Variants in PUS10 observed in about 807,000 individuals in gnomAD.
PUS10 encodes pseudouridine synthase 10.
A neutral mutation model predicts 75.0 loss-of-function variants in PUS10; 59 were observed. That is an observed-to-expected ratio of 0.79 (90% CI 0.64 to 0.98). The LOEUF is 0.98. Among genes scored for constraint, PUS10 ranks in the 50% least tolerant of loss-of-function variants. The pLI is 0.00. For synonymous variants in PUS10, 219 were observed against 211.6 expected, an observed-to-expected ratio of 1.03 and a Z score of -0.30; for missense variants, 650 against 614.4, an observed-to-expected ratio of 1.06 and a Z score of -0.61.
At chr2:60,989,993 A>G (rs763543016) in intron 4 of PUS10, among the ~76,000 whole-genome samples, 15 of 152,114 alleles carry the variant, frequency 9.9e-5, no homozygotes, top group Non-Finnish European at 1.9e-4. Flanking sequence ...AACTTGACAT[A>G]GAAGGTACCA....
rs756681830 is a variant in PUS10, at chr2:60,945,034, G to T, written c.1526C>A (p.Ala509Glu). 1.9e-6 allele frequency: 3 copies of T among 1,613,398 alleles called. No individual in the cohort carries two copies. Among genetic ancestry groups the T allele is most frequent in the Non-Finnish European group, 2.5e-6 (3 of 1,179,354 alleles). Residue 509 changes from alanine (A) to glutamate (E), a missense_variant, in exon 17 of 18, where the codon GCA becomes GAA. Transcript: ENST00000316752. ...CTCAACATCCAGCTCCAGAATGTCT[G>T]CAGTCACATTCATCAGGGACCCAAT... is the stretch of plus-strand genomic sequence containing the variant. The part of the protein sequence containing the change: ...PNIGSLMNVT[A>E]DILELDVESV...
rs1261113220 is a variant in PUS10 at position 60,989,419 on chromosome 2, C to T, written c.468+17138G>A. On this transcript the variant is annotated intron_variant, in intron 4 of 17. Transcript: ENST00000316752. ...GTCACATTTAAGGGCATTAATACTT[C>T]ACTGAGTAAACATAGGCAGAAAGAT... Among the ~76,000 whole-genome samples, 4 of 152,120 alleles carry T rather than the reference C, an allele frequency of 2.6e-5. No homozygotes were observed. In the East Asian group the frequency reaches 7.7e-4, roughly 29 times the overall value.
intron 4 of PUS10, among the ~76,000 whole-genome samples, chr2:61,005,507 ACTT>A: frequency 6.6e-6 from 1 of 152,272 alleles, no homozygotes; most frequent in Non-Finnish European, 1.5e-5. Context: ...CAGAAAATAT[ACTT>A]CTTATTCCTA....
chr2:61,011,775 A>G lies in PUS10; in HGVS notation c.116T>C (p.Leu39Pro), dbSNP rs200105134. 2.0e-5 allele frequency: 32 copies of G among 1,579,332 alleles called. No homozygotes were observed. The highest frequency in any genetic ancestry group is 2.7e-5 in the Non-Finnish European group (32 of 1,166,604). ...CGVDFHAPYK[L>P]PYKELLNELQ... ...AAGAAAAGAAAATACCTTGTATGGA[A>G]GTTTGTAAGGTGCATGAAAATCCAC... The change falls in exon 2 of 18, where the codon CTT becomes CCT. Residue 39 changes from leucine (L) to proline (P), a missense_variant. Physicochemically the swap from Leu to Pro is moderately conservative, Grantham distance 98. Coordinates refer to ENST00000316752, the MANE Select transcript of PUS10 (RefSeq NM_144709.4).
chr2:61,007,217 T>G (rs1410742255), intron 3 of PUS10, among the ~76,000 whole-genome samples: 4 of 80,242 alleles, frequency 5.0e-5, no homozygotes, highest in Non-Finnish European at 5.0e-5. Context: ...AGGCTTTTGT[T>G]TTTTTTTTTT....
chr2:60,981,336 G>C (rs1677377437), intron 4 of PUS10, among the ~76,000 whole-genome samples: 2 of 151,950 alleles, frequency 1.3e-5, no homozygotes, highest in African/African-American at 4.8e-5. Flanking sequence ...AGGCTGGAGT[G>C]CAACAGCAAG....
chr2:60,947,673 C>A (rs1675035447), intron 16 of PUS10, among the ~76,000 whole-genome samples: 3 of 151,572 alleles, frequency 2.0e-5, no homozygotes. Context: ...ACTAAAAATA[C>A]AAAAAATTAG....
intron 4 of PUS10, 25 bp downstream of exon 4, chr2:61,006,532 G>C (rs778503207): frequency 6.6e-7 from 1 of 1,523,778 alleles, no homozygotes; most frequent in Non-Finnish European, 9.1e-7. Context: ...TTCACATACA[G>C]TTTTATGCAT....
At chr2:60,952,231 G>A (rs1247258787) in intron 15 of PUS10, among the ~76,000 whole-genome samples, 3 of 151,760 alleles carry the variant, frequency 2.0e-5, no homozygotes, top group Non-Finnish European at 4.4e-5. Context: ...CTACCCAGGA[G>A]GCTGAGGCAG....
chr2:60,974,931 C>T (rs1441680549), intron 4 of PUS10, among the ~76,000 whole-genome samples: 5 of 152,202 alleles, frequency 3.3e-5, no homozygotes, highest in East Asian at 1.9e-4. Context: ...CGGGCAAAGA[C>T]GCCACTGTCC....
intron 16 of PUS10, among the ~76,000 whole-genome samples, chr2:60,946,174 G>C (rs761059885): frequency 1.3e-5 from 2 of 152,180 alleles, no homozygotes; most frequent in African/African-American, 4.8e-5. Flanking sequence ...ATGATGAGGA[G>C]AGAAAACCAA....
At chr2:60,946,407 C>T (rs1558858527) in intron 16 of PUS10, among the ~76,000 whole-genome samples, 1 of 152,168 alleles carries the variant, frequency 6.6e-6, no homozygotes, top group Admixed American at 6.5e-5. Flanking sequence ...ACCTTAAGTA[C>T]ATGTACATGG....
At chr2:60,968,646 T>C (rs2104395489) in intron 5 of PUS10, among the ~76,000 whole-genome samples, 1 of 150,814 alleles carries the variant, frequency 6.6e-6, no homozygotes, top group Non-Finnish European at 1.5e-5. Flanking sequence ...TCACTATTCC[T>C]CTAAAAATGC....
intron 4 of PUS10, among the ~76,000 whole-genome samples, chr2:60,992,893 T>G (rs560981009): frequency 1.3e-5 from 2 of 152,338 alleles, no homozygotes; most frequent in East Asian, 3.9e-4. Flanking sequence ...AACATTTACT[T>G]ACACAAGTAG....
chr2:60,994,779 G>T (rs1159812736), intron 4 of PUS10, among the ~76,000 whole-genome samples: 1 of 152,082 alleles, frequency 6.6e-6, no homozygotes, highest in African/African-American at 2.4e-5. Context: ...AACACAGAAA[G>T]ACAATAACCC....
chr2:60,945,974 T>C (rs1405696974), intron 16 of PUS10, among the ~76,000 whole-genome samples: 1 of 152,230 alleles, frequency 6.6e-6, no homozygotes, highest in Non-Finnish European at 1.5e-5. Flanking sequence ...GAAAAATCTA[T>C]ATTATAATAT....
intron 4 of PUS10, among the ~76,000 whole-genome samples, chr2:60,977,565 T>C (rs998561656): frequency 1.3e-5 from 2 of 152,240 alleles, no homozygotes; most frequent in African/African-American, 4.8e-5. Flanking sequence ...TACTATTGTT[T>C]TTCTTGTGTG....
intron 4 of PUS10, among the ~76,000 whole-genome samples, chr2:60,999,935 G>C (rs949112224): frequency 2.0e-5 from 3 of 152,060 alleles, no homozygotes; most frequent in African/African-American, 7.2e-5. Context: ...GTAATCTTGA[G>C]ATGATTTAAA....
intron 4 of PUS10, among the ~76,000 whole-genome samples, chr2:60,984,224 T>C (rs908620073): frequency 2.0e-5 from 3 of 152,076 alleles, no homozygotes; most frequent in Non-Finnish European, 2.9e-5. Flanking sequence ...AGAAACAGAA[T>C]TGATGAAAGA....
Sources: allele counts gnomAD v4.1 joint callset (sites outside exome capture counted in the v4.1 genomes callset), GRCh38; gene constraint gnomAD v4.1.1; transcripts MANE v1.5; gene names NCBI Gene and HGNC (gene_info 2026-07-23, HGNC 2026-07-21).